Variants in ST7 observed in about 807,000 individuals in gnomAD.
ST7 encodes the protein suppression of tumorigenicity 7, also known as suppressor of tumorigenicity 7 protein.
In ST7, 28 loss-of-function variants were observed where a neutral mutation model predicts 78.7. That is an observed-to-expected ratio of 0.36 (90% CI 0.26 to 0.49). The LOEUF (loss-of-function observed/expected upper bound fraction) is 0.49, where lower values mean the gene tolerates loss of function less well. Among genes scored for constraint, ST7 ranks in the 20% least tolerant of loss-of-function variants. The pLI is 0.99. For missense variants in ST7, 418 were observed against 696.0 expected (o/e 0.60, Z 4.49); for synonymous variants, 247 against 249.6 (o/e 0.99, Z 0.10).
chr7:117,122,360 C>T (rs776580986), intron 3 of ST7, among the ~76,000 whole-genome samples: 1 of 152,100 alleles, frequency 6.6e-6, no homozygotes, highest in Non-Finnish European at 1.5e-5. Flanking sequence ...GTGATGTGAT[C>T]AGATCTAGTT....
At chr7:117,086,146 A>G (rs1379266078) in intron 1 of ST7, among the ~76,000 whole-genome samples, 1 of 152,114 alleles carries the variant, frequency 6.6e-6, no homozygotes, top group Non-Finnish European at 1.5e-5. Flanking sequence ...TATTTTAAAA[A>G]ATGTTTTGGG....
chr7:117,031,437 T>C (rs62470799), intron 1 of ST7, among the ~76,000 whole-genome samples: 11,185 of 12,308 alleles, frequency 0.91, 5,111 homozygotes, highest in East Asian at 1. Context: ...TGCATATATA[T>C]GCATATATGT....
intron 10 of ST7, among the ~76,000 whole-genome samples, chr7:117,186,013 A>G (rs948344119): frequency 2.6e-5 from 4 of 152,250 alleles, no homozygotes; most frequent in East Asian, 1.9e-4. Context: ...ACAATATGTC[A>G]TAAAGTTATG....
At chr7:116,975,599 A>T (rs1793663019) in intron 1 of ST7, among the ~76,000 whole-genome samples, 1 of 151,550 alleles carries the variant, frequency 6.6e-6, no homozygotes, top group African/African-American at 2.4e-5. Flanking sequence ...CTAGAGACAG[A>T]GTTTCATCAT....
intron 1 of ST7, among the ~76,000 whole-genome samples, chr7:117,078,540 C>A (rs1443359456): frequency 6.6e-6 from 1 of 152,180 alleles, no homozygotes; most frequent in Non-Finnish European, 1.5e-5. Flanking sequence ...AGTAATCATG[C>A]AGTTTTAAGT....
At chr7:116,986,871 T>C (rs919795134) in intron 1 of ST7, among the ~76,000 whole-genome samples, 2 of 152,166 alleles carry the variant, frequency 1.3e-5, no homozygotes, top group African/African-American at 2.4e-5. Context: ...GGTGGGGCTT[T>C]CCAACCCAAA....
intron 1 of ST7, among the ~76,000 whole-genome samples, chr7:117,081,653 T>C (rs549525070): frequency 1.1e-4 from 17 of 152,310 alleles, no homozygotes; most frequent in Non-Finnish European, 2.1e-4. Flanking sequence ...TTTTAGAATT[T>C]ATGTTTTGCC....
chr7:117,064,828 C>T (rs181480263), intron 1 of ST7, among the ~76,000 whole-genome samples: 9 of 152,236 alleles, frequency 5.9e-5, no homozygotes, highest in Admixed American at 3.3e-4. Flanking sequence ...CCGGGAAGTG[C>T]GTGCCATGGA....
intron 9 of ST7, among the ~76,000 whole-genome samples, chr7:117,167,299 T>C (rs998251408): frequency 1.4e-5 from 2 of 145,202 alleles, no homozygotes; most frequent in Admixed American, 1.4e-4. Flanking sequence ...TTAAGGTGTA[T>C]GTTTGCATAA....
At chr7:117,060,988 A>T (rs1325406761) in intron 1 of ST7, among the ~76,000 whole-genome samples, 2 of 152,224 alleles carry the variant, frequency 1.3e-5, no homozygotes, top group African/African-American at 4.8e-5. Context: ...CCTGGGCGGC[A>T]GAGTGAGACT....
At position 117,132,297 on chromosome 7, in the gene ST7, A is replaced by G. The variant is rs781144002; in HGVS notation, c.641+337A>G. Among the ~76,000 whole-genome samples, 37 of 151,846 alleles carry G rather than the reference A, an allele frequency of 2.4e-4. 1 individual carries two copies. Among genetic ancestry groups the G allele is most frequent in the Non-Finnish European group, 4.4e-5 (3 of 67,840 alleles). ...AAAATTTTCCAGATGTAGAATGCTC[A>G]TCTGCACTAGAACATTTTCTAGTAG... is the stretch of plus-strand genomic sequence containing the variant. On this transcript the variant is annotated intron_variant, in intron 6 of 15. Transcript: ENST00000323984.
Position 117,021,825 on chromosome 7 carries a change from T to C in ST7, c.151+68134T>C, listed in dbSNP as rs1795929853. Among the ~76,000 whole-genome samples the C allele has an allele frequency of 2.6e-5, 4 of 152,226 alleles. No homozygotes were observed. In the South Asian group the frequency reaches 8.3e-4, roughly 31 times the overall value. The stretch of plus-strand genomic sequence containing the variant: ...TTCAGCATGTGACAGTATTATTTCC[T>C]AATAATTTAGGCATAATTTTTTAAT... On this transcript the variant is annotated intron_variant, in intron 1 of 15. Coordinates refer to ENST00000323984, the MANE Select transcript of ST7 (RefSeq NM_001369598.1).
chr7:117,144,516 C>T (rs1805586593), intron 9 of ST7, among the ~76,000 whole-genome samples: 1 of 151,546 alleles, frequency 6.6e-6, no homozygotes, highest in Admixed American at 6.6e-5. Context: ...CTTGTAATCC[C>T]CAGCTACCCA....
intron 15 of ST7, among the ~76,000 whole-genome samples, chr7:117,226,340 A>C (rs1313700271): frequency 3.9e-5 from 6 of 152,076 alleles, no homozygotes; most frequent in African/African-American, 1.4e-4. Context: ...ATTGAATCCT[A>C]GGGCATTTTG....
At chr7:116,993,745 T>G (rs1794527477) in intron 1 of ST7, among the ~76,000 whole-genome samples, 1 of 152,130 alleles carries the variant, frequency 6.6e-6, no homozygotes, top group Non-Finnish European at 1.5e-5. Flanking sequence ...GGAAATAGAG[T>G]TTATTTAGAA....
chr7:117,079,353 A>C (rs1052374470), intron 1 of ST7, among the ~76,000 whole-genome samples: 1 of 152,202 alleles, frequency 6.6e-6, no homozygotes, highest in Admixed American at 6.5e-5. Context: ...TCCTAGAACC[A>C]GTCCTCCATG....
chr7:117,103,125 G>A (rs1231900924), intron 2 of ST7, among the ~76,000 whole-genome samples: 1 of 152,006 alleles, frequency 6.6e-6, no homozygotes, highest in Non-Finnish European at 1.5e-5. Flanking sequence ...TGGATTGGAA[G>A]AATTAATATC....
chr7:117,054,879 T>G (rs957696481), intron 1 of ST7, among the ~76,000 whole-genome samples: 9 of 152,216 alleles, frequency 5.9e-5, no homozygotes, highest in Admixed American at 5.2e-4. Flanking sequence ...AAGAAAGGGC[T>G]ACATACAAGG....
chr7:117,027,195 G>A (rs1333231756), intron 1 of ST7, among the ~76,000 whole-genome samples: 2 of 152,238 alleles, frequency 1.3e-5, no homozygotes, highest in Non-Finnish European at 2.9e-5. Flanking sequence ...TGTAATCCCA[G>A]CACTTTGGGA....
Sources: allele counts gnomAD v4.1 joint callset (sites outside exome capture counted in the v4.1 genomes callset), GRCh38; gene constraint gnomAD v4.1.1; transcripts MANE v1.5; gene names NCBI Gene and HGNC (gene_info 2026-07-23, HGNC 2026-07-21).